Variants in FAM167A observed in about 807,000 individuals in gnomAD.
FAM167A encodes the protein family with sequence similarity 167 member A, also known as protein FAM167A.
Under a neutral mutation model 14.9 loss-of-function variants are expected in FAM167A, and 23 were observed. The ratio of observed to expected loss-of-function variants is 1.55; its 90% CI spans 1.11 to 2.19. FAM167A has a LOEUF of 2.19. FAM167A is among the 30% of genes most tolerant of loss of function. FAM167A has a pLI of 0.00. For missense variants in FAM167A, 401 were observed against 281.5 expected, an observed-to-expected ratio of 1.42 and a Z score of -3.04; for synonymous variants, 174 against 117.7, an observed-to-expected ratio of 1.48 and a Z score of -3.10.
intron 2 of FAM167A, among the ~76,000 whole-genome samples, chr8:11,434,290 C>T (rs558621817): frequency 1.9e-3 from 286 of 152,302 alleles, no homozygotes; most frequent in Middle Eastern, 3.4e-3. Context: ...GACTGCAGGG[C>T]GGGGACTCTG....
At chr8:11,466,287 C>T (rs1807762242) in intron 1 of FAM167A, among the ~76,000 whole-genome samples, 2 of 152,322 alleles carry the variant, frequency 1.3e-5, no homozygotes, top group Middle Eastern at 3.4e-3. Context: ...GGAGTGGACC[C>T]GGAGAGGCTG....
At chr8:11,442,711 C>G (rs1806514884) in intron 2 of FAM167A, among the ~76,000 whole-genome samples, 1 of 151,970 alleles carries the variant, frequency 6.6e-6, no homozygotes. Flanking sequence ...CCAAGAGCAC[C>G]AGGGGTGATA....
At chr8:11,468,593 TTTC>T (rs1807858855), upstream of FAM167A, among the ~76,000 whole-genome samples, 2 of 147,390 alleles carry the variant, frequency 1.4e-5, no homozygotes, top group South Asian at 4.3e-4. Flanking sequence ...GTGCTGGCTG[TTTC>T]TGACCACAGC....
intron 1 of FAM167A, among the ~76,000 whole-genome samples, chr8:11,455,069 C>G (rs532758215): frequency 6.6e-6 from 1 of 152,206 alleles, no homozygotes; most frequent in African/African-American, 2.4e-5. Flanking sequence ...GAGATGACAT[C>G]CTGCCGAGAC....
chr8:11,470,825 C>T (rs1807938032), upstream of FAM167A, among the ~76,000 whole-genome samples: 2 of 152,076 alleles, frequency 1.3e-5, no homozygotes, highest in South Asian at 2.1e-4. Context: ...ACTTGTCCAT[C>T]CGTGGGCCCA....
chr8:11,450,819 T>C (rs1806993888), intron 1 of FAM167A, among the ~76,000 whole-genome samples: 1 of 152,100 alleles, frequency 6.6e-6, no homozygotes, highest in Non-Finnish European at 1.5e-5. Context: ...GGATGGTGCC[T>C]CCCCTCCTGT....
intron 1 of FAM167A, among the ~76,000 whole-genome samples, chr8:11,450,219 G>A (rs144018124): frequency 1.3e-5 from 2 of 152,312 alleles, no homozygotes; most frequent in East Asian, 3.9e-4. Context: ...TTCTCCTGGG[G>A]GAAGTTTTGC....
upstream of FAM167A, among the ~76,000 whole-genome samples, chr8:11,469,020 A>C (rs1219527183): frequency 6.6e-6 from 1 of 152,232 alleles, no homozygotes; most frequent in African/African-American, 2.4e-5. Flanking sequence ...GGAGTGGTCA[A>C]ATAAATGAGT....
intron 1 of FAM167A, among the ~76,000 whole-genome samples, chr8:11,446,142 G>A (rs573599631): frequency 3.2e-4 from 49 of 152,214 alleles, no homozygotes; most frequent in African/African-American, 1.2e-3. Context: ...GGTGGCAAAA[G>A]CTGAACAGGC....
rs1804772769 is a variant in FAM167A at position 11,422,150 on chromosome 8, C to G, written c.*2223G>C. The G allele has an allele frequency of 4.0e-6, 1 of 252,332 alleles. No individual in the cohort carries two copies. The highest frequency in any genetic ancestry group is 2.2e-5 in the African/African-American group (1 of 45,090). 15.6% of individuals were successfully genotyped at this position (252,332 alleles called of 1,614,324 possible). A position where few individuals can be genotyped will look rare whatever the true frequency, so the allele number is the denominator to read the frequency against. ...GAAAGCAAGCAAGCACTGGGTTACCCAAGCAACTAAATCACTCAGTTGCAT... is the reference window on the plus strand; with the variant it reads ...GAAAGCAAGCAAGCACTGGGTTACCGAAGCAACTAAATCACTCAGTTGCAT... On this transcript the variant is annotated 3_prime_UTR_variant, in exon 3 of 3. Transcript: ENST00000284486.
intron 1 of FAM167A, among the ~76,000 whole-genome samples, chr8:11,452,942 G>A (rs1431521576): frequency 1.3e-5 from 2 of 152,168 alleles, no homozygotes; most frequent in Non-Finnish European, 2.9e-5. Context: ...AGGCTGGCTG[G>A]TTCCCAGAAC....
chr8:11,475,262 C>T lies in FAM167A; in HGVS notation c.-398+604G>A, dbSNP rs546012018. ...CCAGCCTGGCCTCAGTTTTCCTACT[C>T]GGTTTCCCTATGGGCCTCTCTGCAC... On this transcript the variant is annotated intron_variant, in intron 1 of 1. Transcript: ENST00000648766. 4.6e-5 allele frequency among the ~76,000 whole-genome samples: 7 copies of T among 152,280 alleles called. No individual in the cohort carries two copies. In the South Asian group the frequency reaches 8.3e-4, roughly 18 times the overall value.
At chr8:11,449,803 G>C (rs1024239362) in intron 1 of FAM167A, among the ~76,000 whole-genome samples, 1 of 152,222 alleles carries the variant, frequency 6.6e-6, no homozygotes, top group Non-Finnish European at 1.5e-5. Flanking sequence ...CGGCTCCTTG[G>C]AGGAGCCTTC....
chr8:11,470,187 A>G (rs1206920010), upstream of FAM167A, among the ~76,000 whole-genome samples: 1 of 152,228 alleles, frequency 6.6e-6, no homozygotes, highest in Non-Finnish European at 1.5e-5. Context: ...TTGGATTGGA[A>G]GTAATGGCAG....
At chr8:11,457,731 G>C (rs745603282) in intron 1 of FAM167A, among the ~76,000 whole-genome samples, 1 of 152,150 alleles carries the variant, frequency 6.6e-6, no homozygotes, top group Non-Finnish European at 1.5e-5. Context: ...CCTCACTGGC[G>C]AGCTAGGCCC....
rs114046486 is a variant in FAM167A, at chr8:11,427,535, A to G, written c.382-2899T>C. ...ACTGATTAGAAAAATGAGCCCTGAG[A>G]TGCCCTGTAGTTATGCAAATGAAGG... On this transcript the variant is annotated intron_variant, in intron 2 of 2. Transcript: ENST00000284486. Among the ~76,000 whole-genome samples the G allele has an allele frequency of 2.5e-3, 383 of 152,330 alleles. 3 individuals carry two copies. The highest frequency in any genetic ancestry group is 8.5e-3 in the African/African-American group (352 of 41,572).
chr8:11,471,114 G>A (rs1452482990), upstream of FAM167A, among the ~76,000 whole-genome samples: 2 of 152,216 alleles, frequency 1.3e-5, no homozygotes, highest in East Asian at 3.8e-4. Context: ...TAGTGCTGGA[G>A]TAGGGAGGTG....
upstream of FAM167A, among the ~76,000 whole-genome samples, chr8:11,469,488 CA>C (rs35483302): frequency 0.53 from 80,298 of 151,916 alleles, 22,657 homozygotes; most frequent in East Asian, 0.66. Flanking sequence ...TGATTCCTTA[CA>C]GAGAAGTTTT....
chr8:11,445,279 G>A (rs2117093371), intron 1 of FAM167A: 1 of 985,678 alleles, frequency 1.0e-6, no homozygotes, highest in Middle Eastern at 5.2e-4. Flanking sequence ...CCCCACACAG[G>A]CTAAGGTGGG....
Sources: gnomAD v4.1 joint callset for allele counts (sites outside exome capture counted in the v4.1 genomes callset) on GRCh38, gnomAD v4.1.1 for gene constraint, MANE v1.5 for transcripts, NCBI Gene and HGNC (gene_info 2026-07-23, HGNC 2026-07-21) for gene names.